The following SNCAIP variants were observed in gnomAD, a reference collection of about 807,000 sequenced individuals.
SNCAIP encodes synphilin-1.
A neutral mutation model predicts 86.7 loss-of-function variants in SNCAIP; 43 were observed. The observed-to-expected ratio is 0.50, with a 90% confidence interval of 0.39 to 0.64. SNCAIP has a LOEUF of 0.64. SNCAIP is among the 30% of genes least tolerant of loss of function. The pLI, the probability that SNCAIP is intolerant of heterozygous loss-of-function variation, is 0.00. For missense variants in SNCAIP, 981 were observed against 1,103.1 expected, an observed-to-expected ratio of 0.89 and a Z score of 1.57; for synonymous variants, 417 against 427.2, an observed-to-expected ratio of 0.98 and a Z score of 0.29.
At chr5:122,431,631 T>C (rs1054836599) in intron 5 of SNCAIP, among the ~76,000 whole-genome samples, 3 of 152,138 alleles carry the variant, frequency 2.0e-5, no homozygotes, top group Non-Finnish European at 4.4e-5. Flanking sequence ...AGTGAAGTTA[T>C]AGTTACAGGA....
Position 122,423,052 on chromosome 5 carries a change from C to A in SNCAIP, c.315C>A (p.Tyr105Ter). Residue 105 changes from tyrosine (Y) to a stop codon, truncating the protein, a stop_gained, in exon 4 of 11, where the codon TAC (tyrosine) becomes TAA (stop). Transcript: ENST00000261368. LOFTEE classifies it high-confidence loss of function. ...AAAAGAACCAGAAAGTGGTTGAGTA[C>A]CAGAAAGGGGGTGAGTCTGACCTGG... ...DDQKNQKVVEYQKGGESDLGP... is the reference protein window; with the variant it reads ...DDQKNQKVVE 6.2e-7 allele frequency: 1 copy of A among 1,613,974 alleles called. No homozygotes were observed. The highest frequency in any genetic ancestry group is 8.5e-7 in the Non-Finnish European group (1 of 1,179,966).
intron 10 of SNCAIP, 28 bp downstream of exon 10, chr5:122,451,629 T>A (rs771520157): frequency 6.9e-7 from 1 of 1,454,058 alleles, no homozygotes; most frequent in Non-Finnish European, 9.7e-7. Flanking sequence ...AATATTCTTT[T>A]TTTTCCTTCA....
intron 1 of SNCAIP, among the ~76,000 whole-genome samples, chr5:122,377,701 C>G (rs1193501052): frequency 7.7e-6 from 1 of 130,692 alleles, no homozygotes; most frequent in Non-Finnish European, 1.6e-5. Flanking sequence ...CCCCCCACCC[C>G]ACAACAGTCC....
chr5:122,365,831 G>A (rs146948521), intron 1 of SNCAIP, among the ~76,000 whole-genome samples: 34 of 152,310 alleles, frequency 2.2e-4, no homozygotes, highest in African/African-American at 8.2e-4. Context: ...ATCTCATCAG[G>A]CGGGATGCAG....
chr5:122,378,145 C>G (rs1373051157), intron 1 of SNCAIP, among the ~76,000 whole-genome samples: 7 of 147,610 alleles, frequency 4.7e-5, no homozygotes, highest in Non-Finnish European at 1.0e-4. Flanking sequence ...AACTAGTTTA[C>G]AGTCCCACCA....
At chr5:122,411,808 G>C (rs1416993116) in intron 3 of SNCAIP, among the ~76,000 whole-genome samples, 1 of 152,082 alleles carries the variant, frequency 6.6e-6, no homozygotes, top group Admixed American at 6.6e-5. Flanking sequence ...TCAATCCCCA[G>C]GGTATTCGTT....
intron 1 of SNCAIP, among the ~76,000 whole-genome samples, chr5:122,318,064 G>A (rs1752152633): frequency 6.6e-6 from 1 of 152,042 alleles, no homozygotes; most frequent in Non-Finnish European, 1.5e-5. Context: ...CTGGAGAAAA[G>A]TACAGGCTCC....
intron 1 of SNCAIP, among the ~76,000 whole-genome samples, chr5:122,313,645 G>A (rs541374123): frequency 6.6e-5 from 10 of 152,348 alleles, no homozygotes; most frequent in Admixed American, 1.3e-4. Flanking sequence ...ACACATCTGG[G>A]AGAGAAAGTC....
chr5:122,459,878 T>C (rs971548804), intron 10 of SNCAIP, among the ~76,000 whole-genome samples: 1 of 152,214 alleles, frequency 6.6e-6, no homozygotes, highest in African/African-American at 2.4e-5. Context: ...CCTCACTCTT[T>C]TGAATCGACC....
In SNCAIP at chr5:122,383,310, G is replaced by GC. The variant is rs1580866508; in HGVS notation, c.-46-7778dup. ...GTGGGAGTGACCCGATTTTCCAGGTGCGTCCGTCACCCCTTTCTTTGACTC... is the reference window on the plus strand; with the variant it reads ...GTGGGAGTGACCCGATTTTCCAGGTGCCGTCCGTCACCCCTTTCTTTGACTC... On this transcript the variant is annotated intron_variant, in intron 1 of 10. Coordinates refer to ENST00000261368, the MANE Select transcript of SNCAIP (RefSeq NM_005460.4). Among the ~76,000 whole-genome samples, 3 of 152,184 alleles carry GC rather than the reference G, an allele frequency of 2.0e-5. No individual in the cohort carries two copies. The South Asian group carries it at 6.2e-4, about 31-fold the overall frequency.
At chr5:122,373,270 G>C (rs1764624607) in intron 1 of SNCAIP, among the ~76,000 whole-genome samples, 1 of 152,028 alleles carries the variant, frequency 6.6e-6, no homozygotes, top group Admixed American at 6.6e-5. Context: ...CAAGTCCCTG[G>C]AGATGACAAA....
chr5:122,391,070 C>T lies in SNCAIP; in HGVS notation c.-46-19C>T, dbSNP rs977192328. The T allele has an allele frequency of 5.0e-6, 7 of 1,389,984 alleles. No individual in the cohort carries two copies. Among genetic ancestry groups the T allele is most frequent in the Non-Finnish European group, 6.1e-6 (6 of 977,344 alleles). The allele number at this position is 1,389,984 out of a possible 1,614,324, so 86.1% of individuals were successfully genotyped here. ...GGCTAAATTTTTTTGCCTTTCTTTT[C>T]TGCTTCTGTCTCGTTCAGGAATTTA... On this transcript the variant is annotated intron_variant, in intron 1 of 10. Coordinates refer to ENST00000261368, the MANE Select transcript of SNCAIP (RefSeq NM_005460.4).
rs528834416 is a variant in SNCAIP, at chr5:122,425,536, C to T, written c.1182+5C>T. ...CCAGCAGGCCTGGCCATTAAGGTGA[C>T]TGGTTGGGGGCTGGAACCTCCACAG... On this transcript the variant is annotated splice_donor_5th_base_variant and intron_variant, in intron 5 of 10. Transcript: ENST00000261368. 1.9e-6 allele frequency: 3 copies of T among 1,612,958 alleles called. No individual in the cohort carries two copies. The highest frequency in any genetic ancestry group is 1.3e-5 in the African/African-American group (1 of 75,018).
chr5:122,370,999 T>C (rs1252143281), intron 1 of SNCAIP, among the ~76,000 whole-genome samples: 1 of 152,120 alleles, frequency 6.6e-6, no homozygotes, highest in African/African-American at 2.4e-5. Flanking sequence ...AGAGTTTTTC[T>C]TAAACTGCTC....
chr5:122,422,419 T>TA (rs753594100), intron 3 of SNCAIP, among the ~76,000 whole-genome samples: 32 of 152,342 alleles, frequency 2.1e-4, no homozygotes, highest in Middle Eastern at 3.4e-3. Flanking sequence ...ATTAGGGGTG[T>TA]ATGTGGACAT....
intron 8 of SNCAIP, among the ~76,000 whole-genome samples, chr5:122,446,175 ATGTATAGATATTTCAAAAAAACAAG>A (rs1782273817): frequency 6.6e-6 from 1 of 152,126 alleles, no homozygotes; most frequent in Non-Finnish European, 1.5e-5. Context: ...CTTTATGAAC[ATGTATAGATATTTCAAAAAAACAAG>A]TTCCTAGAAA....
Position 122,451,178 on chromosome 5 carries a change from C to A in SNCAIP, c.2331C>A (p.Asp777Glu). 2 of 1,614,118 alleles carry A rather than the reference C, an allele frequency of 1.2e-6. No individual in the cohort carries two copies. Among genetic ancestry groups the A allele is most frequent in the Non-Finnish European group, 1.7e-6 (2 of 1,180,018 alleles). ...TTCCTCCAAACCAGCCCTCTGGTGA[C>A]CCTCAGCAGCCCAGCCCTGACAGTA... is the stretch of plus-strand genomic sequence containing the variant. Reference protein sequence around the residue: ...GSIPPNQPSGDPQQPSPDSTA... With the variant: ...GSIPPNQPSGEPQQPSPDSTA... Residue 777 changes from aspartate (D) to glutamate (E), a missense_variant, in exon 10 of 11, where the codon GAC becomes GAA. Asp to Glu is a conservative substitution (Grantham distance 45). Coordinates refer to ENST00000261368, the MANE Select transcript of SNCAIP (RefSeq NM_005460.4).
At chr5:122,349,738 C>G (rs1247766954) in intron 1 of SNCAIP, among the ~76,000 whole-genome samples, 1 of 152,158 alleles carries the variant, frequency 6.6e-6, no homozygotes, top group Non-Finnish European at 1.5e-5. Flanking sequence ...GCTTTCTGAT[C>G]CCTCTGCTGT....
chr5:122,390,261 G>A lies in SNCAIP; in HGVS notation c.-46-828G>A, dbSNP rs10051836. Among the ~76,000 whole-genome samples, 5 of 152,176 alleles carry A rather than the reference G, an allele frequency of 3.3e-5. No homozygotes were observed. In the East Asian group the frequency reaches 5.8e-4, roughly 18 times the overall value. ...GCAGAAGATAACTGCACACCAAGGC[G>A]CTGTCAGGAGATCTATATTTCTGCT... On this transcript the variant is annotated intron_variant, in intron 1 of 10. Coordinates refer to ENST00000261368, the MANE Select transcript of SNCAIP (RefSeq NM_005460.4).
Sources: gnomAD v4.1 joint callset for allele counts (sites outside exome capture counted in the v4.1 genomes callset) on GRCh38, gnomAD v4.1.1 for gene constraint, MANE v1.5 for transcripts, NCBI Gene and HGNC (gene_info 2026-07-23, HGNC 2026-07-21) for gene names.